The following NAV1 variants were observed in gnomAD, a reference collection of about 807,000 sequenced individuals.
The protein encoded by NAV1 is neuron navigator 1, also known as pore membrane and/or filament interacting like protein 3.
Under a neutral mutation model 175.2 loss-of-function variants are expected in NAV1, and 18 were observed. The observed-to-expected ratio is 0.10, with a 90% CI of 0.07 to 0.15. The LOEUF (loss-of-function observed/expected upper bound fraction) is 0.15. NAV1 is among the 10% of genes least tolerant of loss of function. The pLI is 1.00. For missense variants in NAV1, 1,731 were observed against 2,436.6 expected (o/e 0.71, Z 6.10); for synonymous variants, 897 against 978.7 (o/e 0.92, Z 1.56).
At chr1:201,814,758 A>G (rs149659647) in intron 28 of NAV1, among the ~76,000 whole-genome samples, 2,086 of 152,130 alleles carry the variant, frequency 0.014, 43 homozygotes, top group African/African-American at 0.045. Context: ...ACAAAAAAAA[A>G]GCCGGGTGCG....
At chr1:201,742,325 G>C (rs377343710) in intron 3 of NAV1, among the ~76,000 whole-genome samples, 12 of 152,298 alleles carry the variant, frequency 7.9e-5, no homozygotes, top group African/African-American at 2.2e-4. Context: ...GAGGGTATTT[G>C]GGTGAATGAC....
chr1:201,779,430 T>TAAA (rs35904825), intron 3 of NAV1, among the ~76,000 whole-genome samples: 34 of 136,356 alleles, frequency 2.5e-4, no homozygotes, highest in Middle Eastern at 3.8e-3. Flanking sequence ...TGTCTCTACT[T>TAAA]AAAAAAAAAA....
intron 2 of NAV1, among the ~76,000 whole-genome samples, chr1:201,600,617 T>C (rs1244370678): frequency 6.6e-6 from 1 of 152,138 alleles, no homozygotes; most frequent in African/African-American, 2.4e-5. Context: ...TTGCAACTTT[T>C]CTGTAAATCT....
At chr1:201,621,489 G>A (rs1380033866), upstream of NAV1, among the ~76,000 whole-genome samples, 4 of 151,628 alleles carry the variant, frequency 2.6e-5, no homozygotes, top group Non-Finnish European at 5.9e-5. Context: ...GTGCCACCAC[G>A]CCTGGCTAAT....
intron 1 of NAV1, among the ~76,000 whole-genome samples, chr1:201,553,955 A>G (rs774063942): frequency 6.6e-5 from 10 of 152,196 alleles, no homozygotes; most frequent in Non-Finnish European, 1.2e-4. Flanking sequence ...AGTATCTGCC[A>G]GGGTTTTGAG....
At chr1:201,736,394 C>T (rs997900177) in intron 3 of NAV1, among the ~76,000 whole-genome samples, 1 of 152,138 alleles carries the variant, frequency 6.6e-6, no homozygotes, top group African/African-American at 2.4e-5. Context: ...AAGTCTTTCC[C>T]TTTTTTTCTT....
intron 1 of NAV1, among the ~76,000 whole-genome samples, chr1:201,556,397 G>A (rs1188455727): frequency 2.0e-5 from 3 of 151,104 alleles, no homozygotes; most frequent in East Asian, 1.9e-4. Context: ...CAGCCTGGGG[G>A]ACAGAGGAAG....
chr1:201,797,752 G>T (rs566433427), intron 15 of NAV1: 1 of 152,156 alleles, frequency 6.6e-6, no homozygotes, highest in Non-Finnish European at 1.5e-5. Context: ...GTTCTAAACT[G>T]AATTGTTTTC....
intron 2 of NAV1, among the ~76,000 whole-genome samples, chr1:201,642,435 C>A (rs1373341684): frequency 6.6e-6 from 1 of 151,972 alleles, no homozygotes; most frequent in Non-Finnish European, 1.5e-5. Flanking sequence ...CCGTGTTAGC[C>A]AGAATGGTCT....
At chr1:201,757,107 AT>A (rs1674562519) in intron 3 of NAV1, among the ~76,000 whole-genome samples, 2 of 152,154 alleles carry the variant, frequency 1.3e-5, no homozygotes, top group Non-Finnish European at 2.9e-5. Context: ...CAAAGAAGCA[AT>A]CCCCATTAAC....
intron 16 of NAV1, among the ~76,000 whole-genome samples, 185 bp downstream of exon 20, chr1:201,803,899 G>T (rs1678106394): frequency 6.6e-6 from 1 of 152,004 alleles, no homozygotes; most frequent in African/African-American, 2.4e-5. Flanking sequence ...TTTCCTACTT[G>T]TCCCCAAGGC....
intron 3 of NAV1, among the ~76,000 whole-genome samples, chr1:201,766,819 TG>T (rs938265241): frequency 6.6e-6 from 1 of 152,118 alleles, no homozygotes; most frequent in African/African-American, 2.4e-5. Flanking sequence ...ATACTTTTTT[TG>T]TTTTTTTGGT....
chr1:201,664,458 C>T (rs1271970456), intron 1 of NAV1, among the ~76,000 whole-genome samples: 1 of 152,230 alleles, frequency 6.6e-6, no homozygotes, highest in Non-Finnish European at 1.5e-5. Context: ...CAAATAATAT[C>T]TGTCTCATAG....
chr1:201,639,833 T>C (rs1385432309), intron 2 of NAV1, among the ~76,000 whole-genome samples: 2 of 152,098 alleles, frequency 1.3e-5, no homozygotes, highest in African/African-American at 4.8e-5. Flanking sequence ...GGCTTCAGGC[T>C]CTGGTCTTGT....
At chr1:201,794,492 A>G in exon 15 of NAV1, 1 of 1,613,328 alleles carries the variant, frequency 6.2e-7, no homozygotes, top group Non-Finnish European at 8.5e-7. Flanking sequence ...ATTTGCGAGA[A>G]ACCATAGACT....
exon 30 of NAV1, chr1:201,819,966 G>A (rs760147582): frequency 6.3e-7 from 1 of 1,594,904 alleles, no homozygotes; most frequent in Non-Finnish European, 8.6e-7. Flanking sequence ...CCGGACAGCA[G>A]AACGCTGGCA....
At chr1:201,621,985 G>T (rs1668185777), upstream of NAV1, among the ~76,000 whole-genome samples, 1 of 152,214 alleles carries the variant, frequency 6.6e-6, no homozygotes, top group Admixed American at 6.5e-5. Flanking sequence ...AAGGGTTGAA[G>T]ATACAAGAGA....
intron 3 of NAV1, among the ~76,000 whole-genome samples, chr1:201,754,633 C>A (rs1240048795): frequency 1.3e-5 from 2 of 152,164 alleles, no homozygotes; most frequent in African/African-American, 4.8e-5. Flanking sequence ...CCTACAAATG[C>A]AGGCGAAAAG....
chr1:201,566,293 C>G (rs536532060), intron 1 of NAV1, among the ~76,000 whole-genome samples: 1 of 152,276 alleles, frequency 6.6e-6, no homozygotes, highest in African/African-American at 2.4e-5. Context: ...ACTTTGGAGG[C>G]CTGCTCGAGG....
Sources: allele counts gnomAD v4.1 joint callset (sites outside exome capture counted in the v4.1 genomes callset), GRCh38; gene constraint gnomAD v4.1.1; transcripts MANE v1.5; gene names NCBI Gene and HGNC (gene_info 2026-07-23, HGNC 2026-07-21).